Variants in LOC128092252 observed in about 807,000 individuals in gnomAD.
At chr15:50,671,804 GA>G in the LOC128092252 span, among the ~76,000 whole-genome samples, 5 of 147,462 alleles carry the variant, frequency 3.4e-5, no homozygotes, top group South Asian at 2.1e-4. Context: ...AACTTGTCTC[GA>G]AAAAAAAAAA....
At chr15:50,654,106 C>T in the LOC128092252 span, among the ~76,000 whole-genome samples, 29 of 152,226 alleles carry the variant, frequency 1.9e-4, no homozygotes, top group South Asian at 6.0e-3. Context: ...CAGAAAGAAA[C>T]TGAACACTCC....
At chr15:50,666,042 G>A in the LOC128092252 span, among the ~76,000 whole-genome samples, 3 of 151,570 alleles carry the variant, frequency 2.0e-5, no homozygotes, top group Non-Finnish European at 4.4e-5. Flanking sequence ...GCTAACTCTC[G>A]GACTTTAAAA....
At chr15:50,685,588 T>C in the LOC128092252 span, among the ~76,000 whole-genome samples, 3 of 152,216 alleles carry the variant, frequency 2.0e-5, no homozygotes, top group African/African-American at 7.2e-5. Context: ...TAGCGTCCAG[T>C]GAAAAGCAAA....
the LOC128092252 span, among the ~76,000 whole-genome samples, chr15:50,680,217 G>C: frequency 6.6e-6 from 1 of 151,828 alleles, no homozygotes; most frequent in African/African-American, 2.4e-5. Flanking sequence ...CTGGGTGACA[G>C]AGCAAGACTC....
the LOC128092252 span, among the ~76,000 whole-genome samples, chr15:50,662,340 A>G: frequency 1.3e-5 from 2 of 151,574 alleles, no homozygotes; most frequent in Admixed American, 1.3e-4. Context: ...AAAAAAAAAA[A>G]GGTAAAAAGA....
the LOC128092252 span, among the ~76,000 whole-genome samples, chr15:50,671,941 C>G: frequency 6.6e-6 from 1 of 152,130 alleles, no homozygotes; most frequent in Non-Finnish European, 1.5e-5. Context: ...GCATATACAA[C>G]TATGTACAGT....
At chr15:50,672,236 G>T in the LOC128092252 span, among the ~76,000 whole-genome samples, 2 of 152,008 alleles carry the variant, frequency 1.3e-5, no homozygotes, top group Admixed American at 6.6e-5. Context: ...TGTATTTTTA[G>T]TAGAGACATT....
At chr15:50,683,603 G>A in the LOC128092252 span, among the ~76,000 whole-genome samples, 2 of 152,038 alleles carry the variant, frequency 1.3e-5, no homozygotes, top group Non-Finnish European at 2.9e-5. Flanking sequence ...GTGTGGTGGT[G>A]GACGCCTGTA....
chr15:50,658,394 G>A, the LOC128092252 span, among the ~76,000 whole-genome samples: 8 of 151,640 alleles, frequency 5.3e-5, no homozygotes, highest in Admixed American at 1.3e-4. Flanking sequence ...GCAACAAAGC[G>A]AAACTCCGTC....
the LOC128092252 span, among the ~76,000 whole-genome samples, chr15:50,667,631 C>T: frequency 6.6e-6 from 1 of 152,172 alleles, no homozygotes; most frequent in South Asian, 2.1e-4. Flanking sequence ...CGCTTGAACC[C>T]AGGAGGTGGA....
the LOC128092252 span, chr15:50,686,418 A>G: frequency 1.3e-6 from 2 of 1,565,860 alleles, no homozygotes; most frequent in African/African-American, 2.7e-5. Context: ...AGGCAATTCG[A>G]GGGTCCTTCG....
chr15:50,679,333 CA>C, the LOC128092252 span, among the ~76,000 whole-genome samples: 1 of 137,362 alleles, frequency 7.3e-6, no homozygotes, highest in African/African-American at 2.7e-5. Context: ...AAACACTATC[CA>C]AAAAAAACAA....
At chr15:50,672,025 GAGTGT>G in the LOC128092252 span, among the ~76,000 whole-genome samples, 1 of 152,128 alleles carries the variant, frequency 6.6e-6, no homozygotes, top group Non-Finnish European at 1.5e-5. Context: ...TTTATGGTTA[GAGTGT>G]ACTCCTACCT....
the LOC128092252 span, chr15:50,663,111 C>A: frequency 1.7e-6 from 2 of 1,205,332 alleles, no homozygotes; most frequent in Non-Finnish European, 1.2e-6. Flanking sequence ...GAAACAATTT[C>A]ATGATAAACA....
the LOC128092252 span, among the ~76,000 whole-genome samples, chr15:50,676,062 T>C: frequency 1.3e-5 from 2 of 152,234 alleles, no homozygotes; most frequent in South Asian, 2.1e-4. Context: ...GCACAATGCA[T>C]GGCACATAGT....
At chr15:50,664,215 T>TTGAACCAGGGAG in the LOC128092252 span, among the ~76,000 whole-genome samples, 1 of 149,986 alleles carries the variant, frequency 6.7e-6, no homozygotes, top group South Asian at 2.1e-4. Context: ...GGAGAATCGC[T>TTGAACCAGGGAG]TGAACCAGGG....
chr15:50,677,801 T>C, the LOC128092252 span, among the ~76,000 whole-genome samples: 3 of 142,996 alleles, frequency 2.1e-5, no homozygotes, highest in East Asian at 6.2e-4. Context: ...ACAATCCCAA[T>C]GTCCAATATA....
chr15:50,672,344 C>T, the LOC128092252 span, among the ~76,000 whole-genome samples: 1 of 152,006 alleles, frequency 6.6e-6, no homozygotes, highest in Non-Finnish European at 1.5e-5. Context: ...GCGTGAGCCA[C>T]CTCGCCCGGC....
At chr15:50,685,214 G>A in the LOC128092252 span, among the ~76,000 whole-genome samples, 2 of 152,202 alleles carry the variant, frequency 1.3e-5, no homozygotes, top group South Asian at 2.1e-4. Context: ...TGTAATCCCA[G>A]GACTTTGGGG....
Sources: allele counts gnomAD v4.1 joint callset (sites outside exome capture counted in the v4.1 genomes callset), GRCh38; gene constraint gnomAD v4.1.1; transcripts MANE v1.5.